Variants in PDK4 observed in about 807,000 individuals in gnomAD.
The protein encoded by PDK4 is pyruvate dehydrogenase kinase 4, also known as pyruvate dehydrogenase kinase, isozyme 4.
A neutral mutation model predicts 51.7 loss-of-function variants in PDK4; 43 were observed. The observed-to-expected ratio is 0.83, with a 90% CI of 0.65 to 1.07. PDK4 has a LOEUF of 1.07. Among genes scored for constraint, PDK4 ranks in the 50% least tolerant of loss-of-function variants. The pLI is 0.00. For synonymous variants in PDK4, 170 were observed against 176.6 expected (o/e 0.96, Z 0.30); for missense variants, 498 against 503.5 (o/e 0.99, Z 0.10).
chr7:95,595,082 T>C lies in PDK4; in HGVS notation c.213A>G (p.Glu71=). The stretch of plus-strand genomic sequence containing the variant: ...CTAATTGGGTCGGGAGGATATCAAT[T>C]TCCTTCAGAATGTTGGCGAGTCTCA... ...LPVRLANILK[E]IDILPTQLVN... Residue 71 remains glutamate, a synonymous_variant, in exon 2 of 11, where the codon GAA becomes GAG. Coordinates refer to ENST00000005178, the MANE Select transcript of PDK4 (RefSeq NM_002612.4). The C allele has an allele frequency of 6.2e-7, 1 of 1,612,762 alleles. No individual in the cohort carries two copies. The highest frequency in any genetic ancestry group is 8.5e-7 in the Non-Finnish European group (1 of 1,178,832).
chr7:95,584,882 C>T lies in PDK4; in HGVS notation c.*759G>A, dbSNP rs1175650985. On this transcript the variant is annotated 3_prime_UTR_variant, in exon 11 of 11. Coordinates refer to ENST00000005178, the MANE Select transcript of PDK4 (RefSeq NM_002612.4). Reference sequence around the variant, plus strand: ...TCCCCAACATCCCGAGTTCAGTGCACATCTAACAATTCACTCAAGACTAGG... The same window carrying T: ...TCCCCAACATCCCGAGTTCAGTGCATATCTAACAATTCACTCAAGACTAGG... The T allele has an allele frequency of 6.6e-6, 1 of 152,626 alleles. No homozygotes were observed. The highest frequency in any genetic ancestry group is 1.5e-5 in the Non-Finnish European group (1 of 68,044). The allele number at this position is 152,626 out of a possible 1,614,324, so 9.5% of individuals were successfully genotyped here.
chr7:95,587,716 A>T lies in PDK4; in HGVS notation c.870+11T>A. On this transcript the variant is annotated intron_variant, in intron 8 of 10. Coordinates refer to ENST00000005178, the MANE Select transcript of PDK4 (RefSeq NM_002612.4). ...CAAGAGACACCCAAAAGGAAAACAG[A>T]GAATGGTTACCTTAATGGTAAGGTC... 1 of 1,559,170 alleles carries T rather than the reference A, an allele frequency of 6.4e-7. No homozygotes were observed. The highest frequency in any genetic ancestry group is 1.4e-5 in the African/African-American group (1 of 73,998).
In PDK4 at chr7:95,584,945, AC is replaced by A. The variant is rs1184277464; in HGVS notation, c.*695del. On this transcript the variant is annotated 3_prime_UTR_variant, in exon 11 of 11. Coordinates refer to ENST00000005178, the MANE Select transcript of PDK4 (RefSeq NM_002612.4). Reference sequence around the variant, plus strand: ...AGTGTTTACTTAGTGTGTAAAGTGAACAAGAAAAGCAGCATAATAAAGGAGC... The same window carrying A: ...AGTGTTTACTTAGTGTGTAAAGTGAAAAGAAAAGCAGCATAATAAAGGAGC... 6.5e-6 allele frequency: 1 copy of A among 152,682 alleles called. No individual in the cohort carries two copies. The highest frequency in any genetic ancestry group is 1.5e-5 in the Non-Finnish European group (1 of 68,046). The allele number at this position is 152,682 out of a possible 1,614,324, so 9.5% of individuals were successfully genotyped here. A position where few individuals can be genotyped will look rare whatever the true frequency, so the allele number is the denominator to read the frequency against.
rs759440205 is a variant in PDK4, at chr7:95,595,061, T to C, written c.234A>G (p.Gln78=). The part of the protein sequence containing the change: ...ILKEIDILPT[Q]LVNTSSVQLV... ...ATTGCACTGAAGAGGTATTTACTAA[T>C]TGGGTCGGGAGGATATCAATTTCCT... Residue 78 remains glutamine (Q), a synonymous_variant, in exon 2 of 11, where the codon CAA becomes CAG. Coordinates refer to ENST00000005178, the MANE Select transcript of PDK4 (RefSeq NM_002612.4). The C allele has an allele frequency of 7.4e-6, 12 of 1,612,402 alleles. No individual in the cohort carries two copies. In the African/African-American group the frequency reaches 1.2e-4, roughly 16 times the overall value.
In PDK4 at chr7:95,585,798, GA is replaced by G. The variant is rs368629345; in HGVS notation, c.1096-18del. On this transcript the variant is annotated intron_variant, in intron 10 of 10. Coordinates refer to ENST00000005178, the MANE Select transcript of PDK4 (RefSeq NM_002612.4). ...AGACAAAGCCTAAAAGAAAAGGGGG[GA>G]AAAACATGAGACCAAAGAAATTATG... The G allele has an allele frequency of 6.4e-6, 10 of 1,570,062 alleles. No individual in the cohort carries two copies. The Admixed American group carries it at 6.9e-5, about 11-fold the overall frequency.
rs372371763 is a variant in PDK4, at chr7:95,587,546, G to A, written c.871-18C>T. 1.1e-5 allele frequency: 16 copies of A among 1,474,648 alleles called. No individual in the cohort carries two copies. In the African/African-American group the frequency reaches 1.8e-4, roughly 17 times the overall value. 91.3% of individuals were successfully genotyped at this position (1,474,648 alleles called of 1,614,324 possible). A position where few individuals can be genotyped will look rare whatever the true frequency, so the allele number is the denominator to read the frequency against. On this transcript the variant is annotated intron_variant, in intron 8 of 10. Transcript: ENST00000005178. ...TCTGAAATCTAAAACAAACAAACAA[G>A]TCATCAAAGCCACACATTAAAAACA... is the stretch of plus-strand genomic sequence containing the variant.
Position 95,589,644 on chromosome 7 carries a change from A to G in PDK4, c.767T>C (p.Phe256Ser), listed in dbSNP as rs1170065650. The change falls in exon 7 of 11, where the codon TTT (phenylalanine) becomes TCT (serine). Residue 256 changes from phenylalanine to serine, a missense_variant. By Grantham distance (155) the Phe-to-Ser change is radical. Coordinates refer to ENST00000005178, the MANE Select transcript of PDK4 (RefSeq NM_002612.4). ...SHLHHMLFEL[F>S]KNAMRATVEH... The stretch of plus-strand genomic sequence containing the variant: ...AATTATTGTGAAGTATCATACCTTA[A>G]ATAGTTCAAAGAGCATATGATGGAG... 1 of 1,513,824 alleles carries G rather than the reference A, an allele frequency of 6.6e-7. No homozygotes were observed. The highest frequency in any genetic ancestry group is 9.2e-7 in the Non-Finnish European group (1 of 1,091,016). 93.8% of individuals were successfully genotyped at this position (1,513,824 alleles called of 1,614,324 possible).
chr7:95,595,434 A>C (rs1315791541), intron 1 of PDK4, among the ~76,000 whole-genome samples: 1 of 152,172 alleles, frequency 6.6e-6, no homozygotes, highest in Non-Finnish European at 1.5e-5. Flanking sequence ...ACTTCCAAGA[A>C]GTAAGAATAT....
chr7:95,593,886 C>A (rs530212240), intron 2 of PDK4, 116 bp from the exon 3 acceptor site: 7 of 456,450 alleles, frequency 1.5e-5, no homozygotes, highest in South Asian at 5.2e-5. Flanking sequence ...TATGTTCAAA[C>A]TTAAAACTTT....
At chr7:95,586,194 GT>G (rs11377701) in intron 10 of PDK4, among the ~76,000 whole-genome samples, 6 of 120,790 alleles carry the variant, frequency 5.0e-5, no homozygotes, top group East Asian at 2.8e-4. Context: ...ATGCACCAAG[GT>G]TTTTTTTTTT....
rs576973111 is a variant in PDK4, at chr7:95,586,326, C to A, written c.1096-545G>T. ...TCTCTTGCCTCAGCCTCCCAAGTAG[C>A]TGGGGTTACAGGCACCCGCCACCAC... On this transcript the variant is annotated intron_variant, in intron 10 of 10. Transcript: ENST00000005178. Among the ~76,000 whole-genome samples, 7 of 151,708 alleles carry A rather than the reference C, an allele frequency of 4.6e-5. No individual in the cohort carries two copies. The East Asian group carries it at 1.4e-3, about 30-fold the overall frequency.
At position 95,587,233 on chromosome 7, in the gene PDK4, T is replaced by C. The variant is rs1584120666; in HGVS notation, c.982-110A>G. The C allele has an allele frequency of 8.3e-6, 6 of 726,968 alleles. No homozygotes were observed. In the African/African-American group the frequency reaches 8.9e-5, roughly 11 times the overall value. 45.0% of individuals were successfully genotyped at this position (726,968 alleles called of 1,614,324 possible). A position where few individuals can be genotyped will look rare whatever the true frequency, so the allele number is the denominator to read the frequency against. On this transcript the variant is annotated intron_variant, in intron 9 of 10. Transcript: ENST00000005178. ...ACTAATGTCCTAGAACCTAAATAAA[T>C]ATCTTCTACTTCCAATCAGACATCC...
chr7:95,595,968 G>A (rs1791613919), intron 1 of PDK4, among the ~76,000 whole-genome samples, 196 bp downstream of exon 1: 1 of 152,176 alleles, frequency 6.6e-6, no homozygotes, highest in African/African-American at 2.4e-5. Flanking sequence ...AGGTGGCCTT[G>A]ACCTGGAGGC....
chr7:95,591,639 G>A (rs1425440717), intron 6 of PDK4, among the ~76,000 whole-genome samples: 3 of 152,076 alleles, frequency 2.0e-5, no homozygotes, highest in African/African-American at 7.2e-5. Flanking sequence ...CTCTTTAAGA[G>A]GATATTTCCA....
At chr7:95,589,831 C>A in intron 6 of PDK4, 115 bp from the exon 7 acceptor site, 1 of 640,624 alleles carries the variant, frequency 1.6e-6, no homozygotes, top group Non-Finnish European at 2.8e-6. Context: ...TCTCTACCTT[C>A]CCCATCCCCA....
chr7:95,589,538 G>C, intron 7 of PDK4, 102 bp downstream of exon 7: 1 of 637,268 alleles, frequency 1.6e-6, no homozygotes, highest in Admixed American at 2.7e-5. Flanking sequence ...CTTGGGAAAA[G>C]ATATTGAGGC....
chr7:95,587,693 A>C, intron 8 of PDK4, 34 bp downstream of exon 8: 2 of 1,441,920 alleles, frequency 1.4e-6, no homozygotes, highest in East Asian at 2.3e-5. Flanking sequence ...AATTCTCTCA[A>C]GAGACACCCA....
rs1207019629 is a variant in PDK4 at position 95,593,725 on chromosome 7, G to A, written c.318C>T (p.Ser106=). 1 of 1,560,238 alleles carries A rather than the reference G, an allele frequency of 6.4e-7. No individual in the cohort carries two copies. Among genetic ancestry groups the A allele is most frequent in the Non-Finnish European group, 8.8e-7 (1 of 1,131,202 alleles). The change falls in exon 3 of 11, where the codon AGC becomes AGT. Residue 106 remains serine (S), a synonymous_variant. Coordinates refer to ENST00000005178, the MANE Select transcript of PDK4 (RefSeq NM_002612.4). The part of the protein sequence containing the change: ...LMDLVEFHEK[S]PDDQKALSDF... ...CTGATAATGCTTTCTGGTCATCTGG[G>A]CTTTTCTCATGGAATTCCACCAAAT...
At chr7:95,589,766 A>G in intron 6 of PDK4, 50 bp from the exon 7 acceptor site, 2 of 967,836 alleles carry the variant, frequency 2.1e-6, no homozygotes, top group Non-Finnish European at 3.4e-6. Flanking sequence ...CTTCACTAAA[A>G]TAAACCACCA....
Sources: gnomAD v4.1 joint callset for allele counts (sites outside exome capture counted in the v4.1 genomes callset) on GRCh38, gnomAD v4.1.1 for gene constraint, MANE v1.5 for transcripts, NCBI Gene and HGNC (gene_info 2026-07-23, HGNC 2026-07-21) for gene names.